MCCC1: variants seen among roughly 807,000 people sequenced by gnomAD.
MCCC1 encodes methylcrotonoyl-CoA carboxylase subunit alpha, mitochondrial.
In MCCC1, 64 loss-of-function variants were observed where a neutral mutation model predicts 83.8. The observed-to-expected ratio is 0.76, with a 90% confidence interval of 0.62 to 0.94. The LOEUF (loss-of-function observed/expected upper bound fraction) is 0.94. MCCC1 is among the 40% of genes least tolerant of loss of function. The pLI is 0.00. For synonymous variants in MCCC1, 322 were observed against 315.4 expected (o/e 1.02, Z -0.22); for missense variants, 807 against 904.7 (o/e 0.89, Z 1.39).
chr3:183,086,259 A>T (rs1489325526), intron 4 of MCCC1, among the ~76,000 whole-genome samples: 1 of 152,196 alleles, frequency 6.6e-6, no homozygotes, highest in Non-Finnish European at 1.5e-5. Flanking sequence ...GAGTCTTGGC[A>T]ATTCCATTTG....
intron 4 of MCCC1, among the ~76,000 whole-genome samples, chr3:183,083,303 C>A (rs1717650184): frequency 6.6e-6 from 1 of 152,106 alleles, no homozygotes; most frequent in African/African-American, 2.4e-5. Context: ...TAAATTATAA[C>A]CCACCAAATT....
intron 17 of MCCC1, 175 bp from the exon 18 acceptor site, chr3:183,017,512 T>C (rs1377076712): frequency 3.1e-6 from 2 of 636,810 alleles, no homozygotes; most frequent in East Asian, 2.8e-5. Context: ...ACAGAGGTCC[T>C]TTGTGGTCCA....
intron 11 of MCCC1, among the ~76,000 whole-genome samples, chr3:183,040,554 T>C (rs144924297): frequency 1.8e-3 from 20 of 11,152 alleles, no homozygotes; most frequent in Admixed American, 0.014. Flanking sequence ...CTACTAAAAA[T>C]ACAAAAAAAA....
At chr3:183,052,551 GT>G (rs1302752589) in intron 8 of MCCC1, among the ~76,000 whole-genome samples, 1 of 152,188 alleles carries the variant, frequency 6.6e-6, no homozygotes, top group Non-Finnish European at 1.5e-5. Context: ...GCTCACGCCT[GT>G]AATCCCAGCA....
Position 183,094,487 on chromosome 3 carries a change from T to C in MCCC1, c.136+72A>G. 3 of 1,411,574 alleles carry C rather than the reference T, an allele frequency of 2.1e-6. No homozygotes were observed. In the South Asian group the frequency reaches 3.5e-5, roughly 16 times the overall value. 87.4% of individuals were successfully genotyped at this position (1,411,574 alleles called of 1,614,324 possible). On this transcript the variant is annotated intron_variant, in intron 2 of 18. Transcript: ENST00000265594. ...ATTCTATTATGCATATATTAAGGGA[T>C]TAAACATTTCCCTTTCTTAAACACT... is the stretch of plus-strand genomic sequence containing the variant.
intron 4 of MCCC1, among the ~76,000 whole-genome samples, chr3:183,073,921 C>T (rs1465314496): frequency 6.6e-6 from 1 of 152,076 alleles, no homozygotes; most frequent in Non-Finnish European, 1.5e-5. Flanking sequence ...CCATGACAGT[C>T]AATTTGATAA....
upstream of MCCC1, among the ~76,000 whole-genome samples, chr3:183,103,735 G>A (rs907594894): frequency 3.3e-5 from 5 of 152,340 alleles, no homozygotes; most frequent in African/African-American, 1.2e-4. Context: ...CCAGTCCCGC[G>A]CCGTGCGCCC....
intron 7 of MCCC1, among the ~76,000 whole-genome samples, chr3:183,070,538 G>A (rs767743091): frequency 2.0e-5 from 3 of 152,148 alleles, no homozygotes; most frequent in Non-Finnish European, 4.4e-5. Flanking sequence ...TTTGAGACCT[G>A]CCTGACCAAC....
At chr3:183,111,923 T>G (rs1289278533) in intron 1 of MCCC1, among the ~76,000 whole-genome samples, 1 of 152,218 alleles carries the variant, frequency 6.6e-6, no homozygotes, top group Non-Finnish European at 1.5e-5. Context: ...AAAATGTTAT[T>G]TTGTTACATG....
At chr3:183,023,479 T>C (rs1210944986) in intron 15 of MCCC1, among the ~76,000 whole-genome samples, 1 of 152,192 alleles carries the variant, frequency 6.6e-6, no homozygotes, top group Non-Finnish European at 1.5e-5. Flanking sequence ...CGAAAACACA[T>C]TTTAAAATTG....
chr3:183,017,436 T>C, intron 17 of MCCC1, 99 bp from the exon 18 acceptor site: 2 of 1,026,620 alleles, frequency 1.9e-6, no homozygotes, highest in Non-Finnish European at 3.0e-6. Context: ...CTATATATAC[T>C]CATAACATCA....
chr3:183,077,627 AT>A (rs34643375), intron 4 of MCCC1, among the ~76,000 whole-genome samples: 84,878 of 151,794 alleles, frequency 0.56, 28,844 homozygotes, highest in Non-Finnish European at 0.76. Flanking sequence ...CAATTTTATC[AT>A]TTTTTTTCGT....
In MCCC1 at chr3:183,071,084, C is replaced by A. The variant is rs1553862845; in HGVS notation, c.676G>T (p.Glu226Ter). The A allele has an allele frequency of 1.2e-6, 2 of 1,614,202 alleles. No individual in the cohort carries two copies. Among genetic ancestry groups the A allele is most frequent in the Non-Finnish European group, 1.7e-6 (2 of 1,180,032 alleles). ...RIVRSEQEFQ[E>*]QLESARREAK... Reference sequence around the variant, plus strand: ...TCTCTCCGTGCTGACTCTAACTGTTCTTGAAATTCTTGTTCTGATCTAACA... The same window carrying A: ...TCTCTCCGTGCTGACTCTAACTGTTATTGAAATTCTTGTTCTGATCTAACA... The change falls in exon 7 of 19, where the codon GAA becomes TAA. Residue 226 changes from glutamate to a stop codon, truncating the protein, a stop_gained. Transcript: ENST00000265594. LOFTEE classifies it high-confidence loss of function.
intron 9 of MCCC1, among the ~76,000 whole-genome samples, chr3:183,049,125 T>C (rs1714765386): frequency 6.6e-6 from 1 of 152,166 alleles, no homozygotes. Flanking sequence ...GCATTGAATG[T>C]ATATATTAGA....
Position 183,072,178 on chromosome 3 carries a change from T to A in MCCC1, c.491+188A>T, listed in dbSNP as rs78684959. ...CCACTGTGCCCAGGCCTGGCTGATT[T>A]AAAAAAAAGAATTTTGAGAGACAAG... On this transcript the variant is annotated intron_variant, in intron 5 of 18. Coordinates refer to ENST00000265594, the MANE Select transcript of MCCC1 (RefSeq NM_020166.5). 0.027 allele frequency among the ~76,000 whole-genome samples: 4,101 copies of A among 151,772 alleles called. 165 individuals are homozygous for A. The highest frequency in any genetic ancestry group is 0.11 in the East Asian group (565 of 5,152).
At chr3:183,090,479 C>T (rs150141607) in intron 3 of MCCC1, among the ~76,000 whole-genome samples, 212 of 152,304 alleles carry the variant, frequency 1.4e-3, no homozygotes, top group African/African-American at 4.8e-3. Context: ...GCCACATGCA[C>T]ACAATGTGGA....
At chr3:183,066,600 A>C (rs1409274561) in intron 7 of MCCC1, among the ~76,000 whole-genome samples, 2 of 152,196 alleles carry the variant, frequency 1.3e-5, no homozygotes, top group African/African-American at 2.4e-5. Flanking sequence ...ACCAAGCCCC[A>C]AAAGGTGATT....
At chr3:183,081,147 C>G (rs1254295937) in intron 4 of MCCC1, among the ~76,000 whole-genome samples, 1 of 152,188 alleles carries the variant, frequency 6.6e-6, no homozygotes, top group Non-Finnish European at 1.5e-5. Context: ...TTAGGAAGAA[C>G]AATTTAATAT....
At chr3:183,066,257 A>T (rs1471333055) in intron 7 of MCCC1, among the ~76,000 whole-genome samples, 9 of 152,132 alleles carry the variant, frequency 5.9e-5, no homozygotes, top group Non-Finnish European at 1.3e-4. Flanking sequence ...ACTTTTTGCC[A>T]TCCACAGACA....
Sources: gnomAD v4.1 joint callset for allele counts (sites outside exome capture counted in the v4.1 genomes callset) on GRCh38, gnomAD v4.1.1 for gene constraint, MANE v1.5 for transcripts, NCBI Gene and HGNC (gene_info 2026-07-23, HGNC 2026-07-21) for gene names.